The following CSMD3 variants were observed in gnomAD, a reference collection of about 807,000 sequenced individuals.
CSMD3 encodes CUB and Sushi multiple domains 3.
Under a neutral mutation model 435.2 loss-of-function variants are expected in CSMD3, and 177 were observed. That is an observed-to-expected ratio of 0.41 (90% CI 0.36 to 0.46). CSMD3 has a LOEUF of 0.46. Ranked by LOEUF, CSMD3 falls within the 20% of genes least tolerant of loss-of-function variation. The pLI is 0.34. For missense variants in CSMD3, 4,265 were observed against 4,504.6 expected (o/e 0.95, Z 1.52); for synonymous variants, 1,656 against 1,520.5 (o/e 1.09, Z -2.07).
intron 5 of CSMD3, among the ~76,000 whole-genome samples, chr8:113,060,906 A>G (rs2088584121): frequency 2.0e-5 from 3 of 152,198 alleles, no homozygotes; most frequent in Admixed American, 1.3e-4. Flanking sequence ...AATACCTGTA[A>G]TTGCCAACAC....
intron 9 of CSMD3, among the ~76,000 whole-genome samples, chr8:112,947,526 T>C (rs2083653983): frequency 1.3e-5 from 2 of 151,812 alleles, no homozygotes; most frequent in African/African-American, 4.8e-5. Context: ...AAGTTATGTC[T>C]TTAAAATCTA....
At chr8:112,957,493 G>T (rs1279182246) in intron 7 of CSMD3, among the ~76,000 whole-genome samples, 1 of 152,150 alleles carries the variant, frequency 6.6e-6, no homozygotes, top group African/African-American at 2.4e-5. Context: ...TCGCTCGGTC[G>T]CCCAGGCTGG....
chr8:112,550,301 TAGCA>T (rs1788075647), intron 27 of CSMD3, among the ~76,000 whole-genome samples: 2 of 152,046 alleles, frequency 1.3e-5, no homozygotes, highest in Admixed American at 1.3e-4. Context: ...TTTTTTGTAA[TAGCA>T]AGTAGTCATT....
At chr8:112,599,925 C>A (rs994503502) in intron 22 of CSMD3, among the ~76,000 whole-genome samples, 1 of 146,436 alleles carries the variant, frequency 6.8e-6, no homozygotes, top group Admixed American at 6.8e-5. Context: ...TGCTAGATGA[C>A]GAGTTAGTGG....
Position 112,802,966 on chromosome 8 carries a change from T to A in CSMD3, c.1860-2692A>T, listed in dbSNP as rs148900316. ...AATAGGGGAAGCCAAGGATATTGCC[T>A]GCAATTCTTTCTCCTAAACAGCTAA... On this transcript the variant is annotated intron_variant, in intron 12 of 70. Transcript: ENST00000297405. Among the ~76,000 whole-genome samples the A allele has an allele frequency of 6.0e-3, 917 of 152,292 alleles. 3 individuals carry two copies. Among genetic ancestry groups the A allele is most frequent in the Non-Finnish European group, 8.8e-3 (598 of 68,032 alleles).
At chr8:112,925,392 A>G (rs1436673241) in intron 9 of CSMD3, among the ~76,000 whole-genome samples, 7 of 151,922 alleles carry the variant, frequency 4.6e-5, no homozygotes, top group African/African-American at 1.7e-4. Flanking sequence ...CCCCGTCTCT[A>G]CTAAAAATAA....
chr8:113,320,530 T>C (rs2093942356), intron 1 of CSMD3, among the ~76,000 whole-genome samples: 1 of 152,118 alleles, frequency 6.6e-6, no homozygotes, highest in Non-Finnish European at 1.5e-5. Context: ...TCTCCAGCCA[T>C]CTTCACAAAA....
At position 113,302,268 on chromosome 8, in the gene CSMD3, T is replaced by C. The variant is rs954850705; in HGVS notation, c.401+12303A>G. On this transcript the variant is annotated intron_variant, in intron 2 of 70. Coordinates refer to ENST00000297405, the MANE Select transcript of CSMD3 (RefSeq NM_198123.2). The stretch of plus-strand genomic sequence containing the variant: ...TAATATATATTATATAAAATATATA[T>C]AATATATAATTATAATATATAATAT... 8.2e-4 allele frequency among the ~76,000 whole-genome samples: 73 copies of C among 88,980 alleles called. 1 individual carries two copies. The highest frequency in any genetic ancestry group is 2.4e-3 in the African/African-American group (53 of 21,934). 58.4% of individuals were successfully genotyped at this position (88,980 alleles called of 152,430 possible).
intron 1 of CSMD3, among the ~76,000 whole-genome samples, chr8:113,398,434 C>T (rs2094494138): frequency 6.6e-6 from 1 of 152,094 alleles, no homozygotes; most frequent in Non-Finnish European, 1.5e-5. Context: ...AGTGTAATAT[C>T]TGGAAAAGCA....
chr8:112,296,798 A>G (rs1215188887), intron 53 of CSMD3, among the ~76,000 whole-genome samples: 3 of 151,936 alleles, frequency 2.0e-5, no homozygotes, highest in Non-Finnish European at 2.9e-5. Context: ...CATTAAGTTA[A>G]AAATTCTTTC....
intron 10 of CSMD3, among the ~76,000 whole-genome samples, chr8:112,867,358 A>T (rs2129985993): frequency 6.6e-6 from 1 of 152,264 alleles, no homozygotes; most frequent in East Asian, 1.9e-4. Flanking sequence ...TAGCCAAAAC[A>T]ATCTTGAGAA....
chr8:112,918,708 C>T (rs2082644100), intron 10 of CSMD3, among the ~76,000 whole-genome samples: 2 of 151,880 alleles, frequency 1.3e-5, no homozygotes, highest in Non-Finnish European at 1.5e-5. Context: ...AGAATTGTCT[C>T]TGTTTGTGTA....
At chr8:113,054,203 T>G (rs2088220102) in intron 5 of CSMD3, among the ~76,000 whole-genome samples, 1 of 152,198 alleles carries the variant, frequency 6.6e-6, no homozygotes, top group Non-Finnish European at 1.5e-5. Flanking sequence ...CTTTTCCCAT[T>G]TTCCTTCTAT....
intron 3 of CSMD3, among the ~76,000 whole-genome samples, chr8:113,198,973 A>G (rs2092689636): frequency 6.6e-6 from 1 of 151,156 alleles, no homozygotes; most frequent in South Asian, 2.1e-4. Flanking sequence ...TCTAATTTCA[A>G]TTTCCAATAG....
At chr8:113,093,897 C>T (rs1451660421) in intron 5 of CSMD3, among the ~76,000 whole-genome samples, 3 of 152,050 alleles carry the variant, frequency 2.0e-5, no homozygotes, top group Admixed American at 1.3e-4. Context: ...CATGTTTTCA[C>T]TAATATTCTG....
intron 58 of CSMD3, among the ~76,000 whole-genome samples, chr8:112,282,602 G>A (rs1166311134): frequency 6.6e-6 from 1 of 152,008 alleles, no homozygotes; most frequent in African/African-American, 2.4e-5. Flanking sequence ...TAGTCAGGGT[G>A]GTTTCAAGAT....
intron 13 of CSMD3, among the ~76,000 whole-genome samples, chr8:112,769,132 C>T (rs2078052188): frequency 6.6e-6 from 1 of 151,958 alleles, no homozygotes; most frequent in Non-Finnish European, 1.5e-5. Flanking sequence ...ATGGAATGAT[C>T]TCTCACCTAG....
intron 6 of CSMD3, among the ~76,000 whole-genome samples, chr8:113,013,015 A>G (rs1302228072): frequency 1.3e-5 from 2 of 152,082 alleles, no homozygotes; most frequent in Admixed American, 6.6e-5. Flanking sequence ...AAAAACAAAG[A>G]TAGAAAAAAT....
At chr8:113,044,040 T>C (rs2087730392) in intron 5 of CSMD3, among the ~76,000 whole-genome samples, 1 of 152,076 alleles carries the variant, frequency 6.6e-6, no homozygotes, top group African/African-American at 2.4e-5. Flanking sequence ...TCAATGGTTT[T>C]ATAAATCAAT....
Sources: allele counts gnomAD v4.1 joint callset (sites outside exome capture counted in the v4.1 genomes callset), GRCh38; gene constraint gnomAD v4.1.1; transcripts MANE v1.5; gene names NCBI Gene and HGNC (gene_info 2026-07-23, HGNC 2026-07-21).